TNFRSF1A: variants seen among roughly 807,000 people sequenced by gnomAD.
TNFRSF1A encodes the protein TNF receptor superfamily member 1A.
A neutral mutation model predicts 41.6 loss-of-function variants in TNFRSF1A; 9 were observed. That is an observed-to-expected ratio of 0.22 (90% CI 0.13 to 0.38). The LOEUF (loss-of-function observed/expected upper bound fraction) is 0.38, where lower values mean the gene tolerates loss of function less well. TNFRSF1A is among the 10% of genes least tolerant of loss of function. The probability of loss-of-function intolerance (pLI) is 1.00; values close to 1 mark genes in which losing one functional copy is unlikely to be tolerated. For synonymous variants in TNFRSF1A, 254 were observed against 248.6 expected, an observed-to-expected ratio of 1.02 and a Z score of -0.21; for missense variants, 463 against 591.5, an observed-to-expected ratio of 0.78 and a Z score of 2.25.
rs552155148 is a variant in TNFRSF1A at position 6,341,514 on chromosome 12, G to A, written c.39+262C>T. On this transcript the variant is annotated intron_variant, in intron 1 of 9. Transcript: ENST00000162749. This position sits in a 1 kb window ranked among gnomAD's most constrained non-coding sequence, Gnocchi z 4.6. ...CCTTGGCCGCCCACAAACTTCCACC[G>A]CTGTCAGGGGCCAGGGCTTCCTTTT... is the stretch of plus-strand genomic sequence containing the variant. 2.6e-5 allele frequency among the ~76,000 whole-genome samples: 4 copies of A among 152,316 alleles called. No homozygotes were observed. The highest frequency in any genetic ancestry group is 3.9e-4 in the East Asian group (2 of 5,192).
At position 6,333,675 on chromosome 12, in the gene TNFRSF1A, C is replaced by T. The variant is rs1565468074; in HGVS notation, c.322+62G>A. 1 of 1,560,876 alleles carries T rather than the reference C, an allele frequency of 6.4e-7. No homozygotes were observed. The highest frequency in any genetic ancestry group is 1.9e-5 in the Admixed American group (1 of 51,816). On this transcript the variant is annotated intron_variant, in intron 3 of 9. Transcript: ENST00000162749. This position sits in a 1 kb window ranked among gnomAD's most constrained non-coding sequence, Gnocchi z 6.3. ...TCCTGCCCACACCCACCAGCCTGCA[C>T]ATAGACAGGCACCCACACACCACTC...
At position 6,341,939 on chromosome 12, in the gene TNFRSF1A, G is replaced by T; in HGVS notation, c.-125C>A. 1 of 990,824 alleles carries T rather than the reference G, an allele frequency of 1.0e-6. No homozygotes were observed. The highest frequency in any genetic ancestry group is 1.6e-6 in the Non-Finnish European group (1 of 630,662). 61.4% of individuals were successfully genotyped at this position (990,824 alleles called of 1,614,324 possible). Reference sequence around the variant, plus strand: ...CAAGTGCCTTGGGGTGACAGTTGAGGGTTGAGACTCGGGCATAGAGATCAC... The same window carrying T: ...CAAGTGCCTTGGGGTGACAGTTGAGTGTTGAGACTCGGGCATAGAGATCAC... On this transcript the variant is annotated 5_prime_UTR_variant, in exon 1 of 10. Coordinates refer to ENST00000162749, the MANE Select transcript of TNFRSF1A (RefSeq NM_001065.4). The surrounding 1 kb of genome is among the most constrained non-coding windows in gnomAD (Gnocchi z 4.6).
At position 6,329,483 on chromosome 12, in the gene TNFRSF1A, C is replaced by A. The variant is rs140486890; in HGVS notation, c.1197G>T (p.Ala399=). The A allele has an allele frequency of 7.8e-5, 124 of 1,594,396 alleles. No individual in the cohort carries two copies. The highest frequency in any genetic ancestry group is 9.3e-5 in the Non-Finnish European group (110 of 1,177,790). ...ELQNGRCLRE[A]QYSMLATWRR... is the part of the protein sequence containing the mutation. Reference sequence around the variant, plus strand: ...TCCAGGTCGCCAGCATGCTGTATTGCGCCTCGCGCAGGCAGCGCCCGTTCT... The same window carrying A: ...TCCAGGTCGCCAGCATGCTGTATTGAGCCTCGCGCAGGCAGCGCCCGTTCT... The change falls in exon 10 of 10, where the codon GCG becomes GCT. Residue 399 remains alanine (A), a synonymous_variant. Transcript: ENST00000162749.
rs1445135574 is a variant in TNFRSF1A at position 6,335,014 on chromosome 12, G to A, written c.40-770C>T. Among the ~76,000 whole-genome samples, 4 of 152,208 alleles carry A rather than the reference G, an allele frequency of 2.6e-5. No homozygotes were observed. In the East Asian group the frequency reaches 7.7e-4, roughly 29 times the overall value. ...AACATTCACAGAGGTAAACAATGAG[G>A]ATCTATGCACATCCCAGGAATATGT... On this transcript the variant is annotated intron_variant, in intron 1 of 9. Coordinates refer to ENST00000162749, the MANE Select transcript of TNFRSF1A (RefSeq NM_001065.4).
rs1800693 is a variant in TNFRSF1A, at chr12:6,330,843, T to C, written c.625+10A>G. 0.39 allele frequency: 623,332 copies of C among 1,611,606 alleles called. 123,308 individuals are homozygous for C. Among genetic ancestry groups the C allele is most frequent in the Non-Finnish European group, 0.41 (477,672 of 1,178,258 alleles). The stretch of plus-strand genomic sequence containing the variant: ...CAGGTGAGCATGGGCACCAGGTCAC[T>C]TCTCCTCACCTGAGTCCTCAGTGCC... On this transcript the variant is annotated intron_variant, in intron 6 of 9. Transcript: ENST00000162749.
At position 6,337,659 on chromosome 12, in the gene TNFRSF1A, A is replaced by C. The variant is rs963053119; in HGVS notation, c.40-3415T>G. Among the ~76,000 whole-genome samples the C allele has an allele frequency of 6.6e-6, 1 of 152,086 alleles. No individual in the cohort carries two copies. The highest frequency in any genetic ancestry group is 2.4e-5 in the African/African-American group (1 of 41,392). ...CTCCTTAGACCCATAGTCCCTGTGA[A>C]CTCGAAGCACGTGAACTGACCCTAT... On this transcript the variant is annotated intron_variant, in intron 1 of 9. Transcript: ENST00000162749. This position sits in a 1 kb window ranked among gnomAD's most constrained non-coding sequence, Gnocchi z 4.6.
At position 6,329,516 on chromosome 12, in the gene TNFRSF1A, C is replaced by T; in HGVS notation, c.1164G>A (p.Leu388=). ...GCAGGCAGCGCCCGTTCTGCAGCTC[C>T]AGCCGATCGATCTCGTGGTCGCTCA... ...LGLSDHEIDR[L]ELQNGRCLRE... Residue 388 remains leucine, a synonymous_variant, in exon 10 of 10, where the codon CTG becomes CTA. Coordinates refer to ENST00000162749, the MANE Select transcript of TNFRSF1A (RefSeq NM_001065.4). 1 of 1,595,384 alleles carries T rather than the reference C, an allele frequency of 6.3e-7. No individual in the cohort carries two copies.
rs1283751925 is a variant in TNFRSF1A, at chr12:6,341,927, G to T, written c.-113C>A. On this transcript the variant is annotated 5_prime_UTR_variant, in exon 1 of 10. Coordinates refer to ENST00000162749, the MANE Select transcript of TNFRSF1A (RefSeq NM_001065.4). This position sits in a 1 kb window ranked among gnomAD's most constrained non-coding sequence, Gnocchi z 4.6. ...TCCAGGACGTCCCAAGTGCCTTGGG[G>T]TGACAGTTGAGGGTTGAGACTCGGG... The T allele has an allele frequency of 4.3e-6, 5 of 1,174,310 alleles. No individual in the cohort carries two copies. Among genetic ancestry groups the T allele is most frequent in the Admixed American group, 3.6e-5 (2 of 56,284 alleles). The allele number at this position is 1,174,310 out of a possible 1,614,324, so 72.7% of individuals were successfully genotyped here. A position where few individuals can be genotyped will look rare whatever the true frequency, so the allele number is the denominator to read the frequency against.
Position 6,330,922 on chromosome 12 carries a change from T to C in TNFRSF1A, c.556A>G (p.Lys186Glu). ...ENECVSCSNC[K>E]KSLECTKLCL... is the part of the protein sequence containing the mutation. ...AACTTCGTGCACTCCAGGCTTTTCT[T>C]ACAGCTAAAAGAAGAGACGGCACTG... Residue 186 changes from lysine to glutamate, a missense_variant, in exon 6 of 10, where the codon AAG becomes GAG. Around this residue, in one of 4 missense-constraint regions of TNFRSF1A, gnomAD observed 149 missense variants for 239.4 expected, o/e 0.62. Transcript: ENST00000162749. The C allele has an allele frequency of 6.2e-7, 1 of 1,613,472 alleles. No homozygotes were observed. The highest frequency in any genetic ancestry group is 8.5e-7 in the Non-Finnish European group (1 of 1,179,978).
In TNFRSF1A at chr12:6,334,241, G is replaced by C. The variant is rs1434421197; in HGVS notation, c.43C>G (p.Leu15Val). 2 of 1,612,990 alleles carry C rather than the reference G, an allele frequency of 1.2e-6. No homozygotes were observed. Among genetic ancestry groups the C allele is most frequent in the South Asian group, 2.2e-5 (2 of 91,056 alleles). ...TVPDLLLPLVLLELLVGIYPS... is the reference protein window; with the variant it reads ...TVPDLLLPLVVLELLVGIYPS... ...TATATTCCCACCAACAGCTCCAGGA[G>C]CACCTGGGGAAGAATCAGATAGAGG... The change falls in exon 2 of 10, where the codon CTC becomes GTC. Residue 15 changes from leucine (L) to valine (V), a missense_variant. Leu to Val is a conservative substitution (Grantham distance 32, BLOSUM62 1). Transcript: ENST00000162749. The surrounding 1 kb of genome is among the most constrained non-coding windows in gnomAD (Gnocchi z 5.1).
chr12:6,333,071 A>G lies in TNFRSF1A; in HGVS notation c.549T>C (p.Ser183=), dbSNP rs200963205. 50 of 1,613,798 alleles carry G rather than the reference A, an allele frequency of 3.1e-5. No individual in the cohort carries two copies. The highest frequency in any genetic ancestry group is 5.3e-5 in the African/African-American group (4 of 74,936). Residue 183 remains serine, a splice_region_variant and synonymous_variant, in exon 5 of 10, where the codon AGT becomes AGC. Coordinates refer to ENST00000162749, the MANE Select transcript of TNFRSF1A (RefSeq NM_001065.4). This position sits in a 1 kb window ranked among gnomAD's most constrained non-coding sequence, Gnocchi z 6.3. ...CAGCAGCTCTCAGAGATACTCACTT[A>G]CTACAGGAGACACACTCGTTTTCTC... ...FLRENECVSC[S]NCKKSLECTK... is the part of the protein sequence containing the mutation.
Position 6,329,443 on chromosome 12 carries a change from G to C in TNFRSF1A, c.1237C>G (p.Arg413Gly), listed in dbSNP as rs1202852274. ...AGCAGCTCCAGCGTGGCCTCGCGCCGCGGCGTGCGCCGCCTCCAGGTCGCC... is the reference window on the plus strand; with the variant it reads ...AGCAGCTCCAGCGTGGCCTCGCGCCCCGGCGTGCGCCGCCTCCAGGTCGCC... ...MLATWRRRTP[R>G]REATLELLGR... The change falls in exon 10 of 10, where the codon CGG (arginine) becomes GGG (glycine). Residue 413 changes from arginine (R) to glycine (G), a missense_variant. Arg to Gly is a moderately radical substitution (Grantham distance 125, BLOSUM62 -2). Around this residue, in one of 4 missense-constraint regions of TNFRSF1A, gnomAD observed 277 missense variants for 288.8 expected, o/e 0.96. Transcript: ENST00000162749. The C allele has an allele frequency of 1.3e-6, 2 of 1,586,752 alleles. No homozygotes were observed. The highest frequency in any genetic ancestry group is 1.1e-5 in the South Asian group (1 of 89,756).
intron 5 of TNFRSF1A, chr12:6,332,000 CAAAAAAAA>C (rs750532640): frequency 3.7e-4 from 29 of 78,840 alleles, no homozygotes; most frequent in South Asian, 9.9e-4. Context: ...GACTCTGTGT[CAAAAAAAA>C]AAAAAAAAAA....
rs1301546529 is a variant in TNFRSF1A, at chr12:6,337,052, G to A, written c.40-2808C>T. Among the ~76,000 whole-genome samples the A allele has an allele frequency of 6.6e-6, 1 of 152,226 alleles. No homozygotes were observed. Among genetic ancestry groups the A allele is most frequent in the African/African-American group, 2.4e-5 (1 of 41,450 alleles). On this transcript the variant is annotated intron_variant, in intron 1 of 9. Transcript: ENST00000162749. This position sits in a 1 kb window ranked among gnomAD's most constrained non-coding sequence, Gnocchi z 4.6. ...CTTCCAGGAACGAGGGAGCAGGCAA[G>A]AAGGGATGCCGGATGGAAGAACCAG...
In TNFRSF1A at chr12:6,334,085, C is replaced by T. The variant is rs147111217; in HGVS notation, c.193+6G>A. On this transcript the variant is annotated splice_donor_region_variant and intron_variant, in intron 2 of 9. Coordinates refer to ENST00000162749, the MANE Select transcript of TNFRSF1A (RefSeq NM_001065.4). The surrounding 1 kb of genome is among the most constrained non-coding windows in gnomAD (Gnocchi z 5.1). ...GAGGGCATTCACCGTTTCCACTTGCCCCTACCTTTGTGGCACTTGGTACAG... is the reference window on the plus strand; with the variant it reads ...GAGGGCATTCACCGTTTCCACTTGCTCCTACCTTTGTGGCACTTGGTACAG... 107 of 1,614,190 alleles carry T rather than the reference C, an allele frequency of 6.6e-5. No homozygotes were observed. In the African/African-American group the frequency reaches 1.2e-3, roughly 17 times the overall value.
At chr12:6,331,194 T>C in intron 5 of TNFRSF1A, 2 of 511,292 alleles carry the variant, frequency 3.9e-6, no homozygotes, top group Admixed American at 3.1e-5. Flanking sequence ...ATTCCTTGGC[T>C]AGCAGTGTGA....
intron 1 of TNFRSF1A, among the ~76,000 whole-genome samples, chr12:6,339,858 C>G (rs1948170647): frequency 1.3e-5 from 2 of 151,902 alleles, no homozygotes; most frequent in Admixed American, 1.3e-4. Context: ...CACACACACA[C>G]ACACACACAC....
In TNFRSF1A at chr12:6,333,485, T is replaced by G; in HGVS notation, c.354A>C (p.Thr118=). 1 of 1,613,036 alleles carries G rather than the reference T, an allele frequency of 6.2e-7. No individual in the cohort carries two copies. Among genetic ancestry groups the G allele is most frequent in the Non-Finnish European group, 8.5e-7 (1 of 1,179,602 alleles). ...EMGQVEISSC[T]VDRDTVCGCR... is the part of the protein sequence containing the mutation. ...AGCCACACACGGTGTCCCGGTCCAC[T>G]GTGCAAGAAGAGATCTCCACCTGAC... is the stretch of plus-strand genomic sequence containing the variant. The change falls in exon 4 of 10, where the codon ACA becomes ACC. Residue 118 remains threonine, a synonymous_variant. Coordinates refer to ENST00000162749, the MANE Select transcript of TNFRSF1A (RefSeq NM_001065.4). This position sits in a 1 kb window ranked among gnomAD's most constrained non-coding sequence, Gnocchi z 6.3.
Position 6,329,903 on chromosome 12 carries a change from C to T in TNFRSF1A, c.932G>A (p.Arg311His), listed in dbSNP as rs753784088. Reference protein sequence around the residue: ...PGDCPNFAAPRREVAPPYQGA... With the variant: ...PGDCPNFAAPHREVAPPYQGA... ...CTGATAGGGTGGTGCCACCTCTCTG[C>T]GGGGAGCCGCAAAGTTGGGACAGTC... Residue 311 changes from arginine to histidine, a missense_variant, in exon 9 of 10, where the codon CGC becomes CAC. This residue lies in a region of TNFRSF1A where 277 missense variants were observed against 288.8 expected (regional missense o/e 0.96). Coordinates refer to ENST00000162749, the MANE Select transcript of TNFRSF1A (RefSeq NM_001065.4). The T allele has an allele frequency of 6.3e-7, 1 of 1,575,088 alleles. No individual in the cohort carries two copies. Among genetic ancestry groups the T allele is most frequent in the South Asian group, 1.1e-5 (1 of 87,332 alleles).
Sources: gnomAD v4.1 joint callset for allele counts (sites outside exome capture counted in the v4.1 genomes callset) on GRCh38, gnomAD v4.1.1 for gene constraint, gnomAD v4.1.1 regional missense constraint, Gnocchi (gnomAD v3.1) non-coding constraint, MANE v1.5 for transcripts, NCBI Gene and HGNC (gene_info 2026-07-23, HGNC 2026-07-21) for gene names.